The following ELMO1 variants were observed in gnomAD, a reference collection of about 807,000 sequenced individuals.
ELMO1 encodes the protein engulfment and cell motility protein 1.
Under a neutral mutation model 98.9 loss-of-function variants are expected in ELMO1, and 26 were observed. That is an observed-to-expected ratio of 0.26 (90% CI 0.19 to 0.36). The LOEUF is 0.36. Among genes scored for constraint, ELMO1 ranks in the 10% least tolerant of loss-of-function variants. ELMO1 has a pLI of 1.00. For missense variants in ELMO1, 627 were observed against 935.2 expected (o/e 0.67, Z 4.30); for synonymous variants, 346 against 346.0 (o/e 1.00, Z 0.00).
chr7:36,868,321 G>C (rs138497753), intron 20 of ELMO1, among the ~76,000 whole-genome samples: 2 of 139,826 alleles, frequency 1.4e-5, no homozygotes, highest in South Asian at 2.4e-4. Flanking sequence ...TTTCCGCTTT[G>C]TTCTGCTTCT....
intron 1 of ELMO1, among the ~76,000 whole-genome samples, chr7:37,406,873 A>C (rs1458375440): frequency 6.6e-6 from 1 of 152,210 alleles, no homozygotes; most frequent in African/African-American, 2.4e-5. Context: ...TATAACAGTA[A>C]GATAGATACC....
rs754160256 is a variant in ELMO1, at chr7:37,125,425, C to T, written c.1191+7705G>A. The stretch of plus-strand genomic sequence containing the variant: ...TAATATCCAGAATCTACAAAGAACT[C>T]AAACAAATTTACAAGAAAAAATCAA... On this transcript the variant is annotated intron_variant, in intron 14 of 21. Coordinates refer to ENST00000310758, the MANE Select transcript of ELMO1 (RefSeq NM_014800.11). Among the ~76,000 whole-genome samples, 4 of 152,044 alleles carry T rather than the reference C, an allele frequency of 2.6e-5. No individual in the cohort carries two copies. The South Asian group carries it at 8.3e-4, about 32-fold the overall frequency.
At chr7:37,167,039 A>G (rs1789754410) in intron 13 of ELMO1, among the ~76,000 whole-genome samples, 1 of 152,116 alleles carries the variant, frequency 6.6e-6, no homozygotes, top group Non-Finnish European at 1.5e-5. Flanking sequence ...GGGTGCATAT[A>G]TATTTAGGAT....
At chr7:36,897,241 G>T (rs774409008) in intron 16 of ELMO1, among the ~76,000 whole-genome samples, 5 of 151,954 alleles carry the variant, frequency 3.3e-5, no homozygotes, top group Non-Finnish European at 7.4e-5. Flanking sequence ...CCCTCAAATT[G>T]AGAGCTGTGA....
intron 1 of ELMO1, among the ~76,000 whole-genome samples, chr7:37,433,503 T>C (rs562634677): frequency 4.6e-5 from 7 of 152,216 alleles, no homozygotes; most frequent in African/African-American, 1.4e-4. Flanking sequence ...GAGGCCTCTA[T>C]CTCCCAGCCC....
At chr7:37,196,063 C>CCCTCACTGCTTTG (rs1428863989) in intron 13 of ELMO1, among the ~76,000 whole-genome samples, 1 of 152,178 alleles carries the variant, frequency 6.6e-6, no homozygotes, top group Non-Finnish European at 1.5e-5. Flanking sequence ...TACTTGCTTT[C>CCCTCACTGCTTTG]CCTCACTGCT....
chr7:37,376,599 G>C (rs547321343), intron 1 of ELMO1, among the ~76,000 whole-genome samples: 1 of 152,174 alleles, frequency 6.6e-6, no homozygotes, highest in South Asian at 2.1e-4. Context: ...CCCAGAAACT[G>C]ACTCAGCGCA....
chr7:37,138,905 C>T (rs1246532620), intron 13 of ELMO1, among the ~76,000 whole-genome samples: 1 of 152,166 alleles, frequency 6.6e-6, no homozygotes, highest in Non-Finnish European at 1.5e-5. Flanking sequence ...ACCAGGGATG[C>T]TGGGATGGTT....
intron 2 of ELMO1, among the ~76,000 whole-genome samples, chr7:37,323,450 T>C (rs927741611): frequency 6.6e-6 from 1 of 152,180 alleles, no homozygotes; most frequent in Non-Finnish European, 1.5e-5. Context: ...CCTAGCACTT[T>C]AGGAGGCCAA....
intron 18 of ELMO1, among the ~76,000 whole-genome samples, chr7:36,885,621 C>T (rs1039637544): frequency 6.6e-6 from 1 of 151,850 alleles, no homozygotes; most frequent in Non-Finnish European, 1.5e-5. Flanking sequence ...CAATATATCC[C>T]AAACATTGAT....
chr7:37,164,353 T>G (rs577472477), intron 13 of ELMO1, among the ~76,000 whole-genome samples: 1 of 152,196 alleles, frequency 6.6e-6, no homozygotes, highest in East Asian at 1.9e-4. Context: ...TAGATCCCAT[T>G]TGTCAATTTT....
In ELMO1 at chr7:37,005,763, C is replaced by T. The variant is rs115164616; in HGVS notation, c.1437+7536G>A. ...CACTAAACTTGAGGGAGCAGCTTGT[C>T]CACCTTTCCTGAAGATGTTTGCTCT... On this transcript the variant is annotated intron_variant, in intron 16 of 21. Coordinates refer to ENST00000310758, the MANE Select transcript of ELMO1 (RefSeq NM_014800.11). 2.2e-3 allele frequency among the ~76,000 whole-genome samples: 331 copies of T among 150,744 alleles called. 1 individual carries two copies. Among genetic ancestry groups the T allele is most frequent in the African/African-American group, 7.5e-3 (310 of 41,162 alleles).
At chr7:36,858,947 A>T (rs1802405388) in intron 21 of ELMO1, among the ~76,000 whole-genome samples, 1 of 152,220 alleles carries the variant, frequency 6.6e-6, no homozygotes. Flanking sequence ...TTTAACACTA[A>T]GTTTGTGGCA....
rs185936503 is a variant in ELMO1 at position 37,164,469 on chromosome 7, A to G, written c.1087-31235T>C. Among the ~76,000 whole-genome samples, 837 of 152,264 alleles carry G rather than the reference A, an allele frequency of 5.5e-3. 5 individuals are homozygous for G. The highest frequency in any genetic ancestry group is 0.019 in the African/African-American group (809 of 41,558). On this transcript the variant is annotated intron_variant, in intron 13 of 21. Coordinates refer to ENST00000310758, the MANE Select transcript of ELMO1 (RefSeq NM_014800.11). ...TTTCTTCTAGGGTTTTTATGGTTTT[A>G]GGTCTAACATTTAAATCTTTAATCC... is the stretch of plus-strand genomic sequence containing the variant.
chr7:37,167,801 C>G (rs1381702208), intron 13 of ELMO1, among the ~76,000 whole-genome samples: 1 of 150,210 alleles, frequency 6.7e-6, no homozygotes, highest in East Asian at 2.0e-4. Flanking sequence ...TTTGGTGAAT[C>G]TGACAATTAT....
At chr7:37,207,349 G>A (rs565567252) in intron 13 of ELMO1, among the ~76,000 whole-genome samples, 5 of 152,242 alleles carry the variant, frequency 3.3e-5, no homozygotes, top group South Asian at 4.2e-4. Context: ...TCAGAAGTTC[G>A]AGAGCAGCCT....
At chr7:37,402,454 T>C (rs891788276) in intron 1 of ELMO1, among the ~76,000 whole-genome samples, 1 of 152,152 alleles carries the variant, frequency 6.6e-6, no homozygotes, top group African/African-American at 2.4e-5. Context: ...AATGGAAGGA[T>C]AGCTCTTGGT....
chr7:37,393,547 C>T (rs1283161544), intron 1 of ELMO1, among the ~76,000 whole-genome samples: 3 of 152,148 alleles, frequency 2.0e-5, no homozygotes, highest in African/African-American at 7.2e-5. Context: ...AAAGTGCTTC[C>T]CTCAGTTTTC....
intron 13 of ELMO1, among the ~76,000 whole-genome samples, chr7:37,186,215 G>T (rs1343824692): frequency 6.6e-6 from 1 of 152,088 alleles, no homozygotes; most frequent in African/African-American, 2.4e-5. Flanking sequence ...AATGAAGAGA[G>T]AACAGTTTTC....
Sources: gnomAD v4.1 joint callset for allele counts (sites outside exome capture counted in the v4.1 genomes callset) on GRCh38, gnomAD v4.1.1 for gene constraint, MANE v1.5 for transcripts, NCBI Gene and HGNC (gene_info 2026-07-23, HGNC 2026-07-21) for gene names.